The following PLXND1 variants were observed in gnomAD, a reference collection of about 807,000 sequenced individuals.
PLXND1 encodes the protein plexin-D1.
PLXND1 carries 54 observed loss-of-function variants against 197.7 expected under a neutral mutation model. The observed-to-expected ratio is 0.27, with a 90% CI of 0.22 to 0.34. PLXND1 has a LOEUF of 0.34. Ranked by LOEUF, PLXND1 falls within the 10% of genes least tolerant of loss-of-function variation. PLXND1 has a pLI of 1.00. For missense variants in PLXND1, 2,127 were observed against 2,699.2 expected, an observed-to-expected ratio of 0.79 and a Z score of 4.70; for synonymous variants, 1,180 against 1,161.2, an observed-to-expected ratio of 1.02 and a Z score of -0.33.
In PLXND1 at chr3:129,575,836, C is replaced by T. The variant is rs1278828227; in HGVS notation, c.2366G>A (p.Ser789Asn). 6.2e-7 allele frequency: 1 copy of T among 1,612,498 alleles called. No individual in the cohort carries two copies. Among genetic ancestry groups the T allele is most frequent in the Non-Finnish European group, 8.5e-7 (1 of 1,178,842 alleles). Reference sequence around the variant, plus strand: ...CTCGAAGATCTCCTCCAGCCCAAAACTACACTCCAGGGCTGCACCCTGTGG... The same window carrying T: ...CTCGAAGATCTCCTCCAGCCCAAAATTACACTCCAGGGCTGCACCCTGTGG... ...AFFQGAALEC[S>N]FGLEEIFEAV... The change falls in exon 10 of 36, where the codon AGT becomes AAT. Residue 789 changes from serine (S) to asparagine (N), a missense_variant. Around this residue, in one of 6 missense-constraint regions of PLXND1, gnomAD observed 1,095 missense variants for 1,259.8 expected, o/e 0.87. Coordinates refer to ENST00000324093, the MANE Select transcript of PLXND1 (RefSeq NM_015103.3).
intron 8 of PLXND1, among the ~76,000 whole-genome samples, chr3:129,578,731 G>A (rs946793125): frequency 1.3e-5 from 2 of 152,166 alleles, no homozygotes; most frequent in Non-Finnish European, 2.9e-5. Flanking sequence ...CCTCAGACGA[G>A]GCTGGGAGGC....
intron 34 of PLXND1, 143 bp downstream of exon 34, chr3:129,556,940 C>T: frequency 2.2e-6 from 2 of 905,456 alleles, no homozygotes; most frequent in Non-Finnish European, 3.3e-6. Context: ...GACGAATTTG[C>T]AGGCCAGCAA....
chr3:129,556,341 T>C lies in PLXND1; in HGVS notation c.5749A>G (p.Asn1917Asp), dbSNP rs1214374615. 3.1e-6 allele frequency: 5 copies of C among 1,613,542 alleles called. No homozygotes were observed. In the African/African-American group the frequency reaches 6.7e-5, roughly 22 times the overall value. ...FEQVVALMED[N>D]IYECYSEA ...GCCTCACTGTAGCACTCGTAGATGT[T>C]GTCCTCCATCAAAGCCACCACCTGC... is the stretch of plus-strand genomic sequence containing the variant. Residue 1917 changes from asparagine (N) to aspartate (D), a missense_variant, in exon 36 of 36, where the codon AAC (asparagine) becomes GAC (aspartate). Coordinates refer to ENST00000324093, the MANE Select transcript of PLXND1 (RefSeq NM_015103.3).
At position 129,584,392 on chromosome 3, in the gene PLXND1, G is replaced by C; in HGVS notation, c.2022C>G (p.Pro674=). Residue 674 remains proline, a synonymous_variant, in exon 6 of 36, where the codon CCC becomes CCG. Transcript: ENST00000324093. ...ACAGCACAGCGTGCTTACCCTGGTT[G>C]GGGGGGAAGGGCGGAAACTGGTCCC... is the stretch of plus-strand genomic sequence containing the variant. The part of the protein sequence containing the change: ...LPRDQFPPFP[P]NQDHVTVEMS... 1.2e-6 allele frequency: 2 copies of C among 1,611,456 alleles called. No homozygotes were observed. Among genetic ancestry groups the C allele is most frequent in the South Asian group, 1.1e-5 (1 of 90,664 alleles).
chr3:129,559,288 G>A, intron 32 of PLXND1: 1 of 236,470 alleles, frequency 4.2e-6, no homozygotes, highest in Non-Finnish European at 8.1e-6. Context: ...AGCAGGTGCT[G>A]CTTCTCCGAG....
chr3:129,592,896 G>C (rs879924581), intron 1 of PLXND1, among the ~76,000 whole-genome samples: 2 of 152,100 alleles, frequency 1.3e-5, no homozygotes, highest in Non-Finnish European at 2.9e-5. Flanking sequence ...ATGCAGGCTG[G>C]GGGAGGGGGA....
rs186654779 is a variant in PLXND1 at position 129,572,065 on chromosome 3, T to C, written c.3078-221A>G. Among the ~76,000 whole-genome samples the C allele has an allele frequency of 1.9e-3, 286 of 151,958 alleles. 4 individuals carry two copies. The highest frequency in any genetic ancestry group is 6.6e-3 in the African/African-American group (275 of 41,520). On this transcript the variant is annotated intron_variant, in intron 15 of 35. Coordinates refer to ENST00000324093, the MANE Select transcript of PLXND1 (RefSeq NM_015103.3). ...CTCCAGGAAGCCTTCCCAGGTCTTC[T>C]CTCCCGCCTCCAACCCTGGTGAAGT...
chr3:129,568,555 T>C (rs2085176521), intron 20 of PLXND1, among the ~76,000 whole-genome samples: 1 of 152,182 alleles, frequency 6.6e-6, no homozygotes, highest in African/African-American at 2.4e-5. Context: ...TTCTTTTCTT[T>C]CTTTTTTTCT....
In PLXND1 at chr3:129,606,417, C is replaced by A; in HGVS notation, c.223G>T (p.Ala75Ser). ...DGAAGTVYLA[A>S]VNRLYQLSGA... Reference sequence around the variant, plus strand: ...GACAGCTGATAGAGGCGGTTGACGGCCGCCAGGTACACGGTCCCCGCCGCG... The same window carrying A: ...GACAGCTGATAGAGGCGGTTGACGGACGCCAGGTACACGGTCCCCGCCGCG... The change falls in exon 1 of 36, where the codon GCC becomes TCC. Residue 75 changes from alanine to serine, a missense_variant. By Grantham distance (99) the Ala-to-Ser change is moderately conservative. Transcript: ENST00000324093. The A allele has an allele frequency of 6.8e-7, 1 of 1,472,092 alleles. No homozygotes were observed. The highest frequency in any genetic ancestry group is 9.0e-7 in the Non-Finnish European group (1 of 1,116,366). 91.2% of individuals were successfully genotyped at this position (1,472,092 alleles called of 1,614,324 possible). A position where few individuals can be genotyped will look rare whatever the true frequency, so the allele number is the denominator to read the frequency against.
At position 129,557,086 on chromosome 3, in the gene PLXND1, C is replaced by T. The variant is rs1221170246; in HGVS notation, c.5583G>A (p.Ser1861=). The T allele has an allele frequency of 1.2e-5, 19 of 1,613,728 alleles. No individual in the cohort carries two copies. The highest frequency in any genetic ancestry group is 2.2e-5 in the South Asian group (2 of 91,080). ...QEMNAHLAEE[S]RKYQNEFNTN... The stretch of plus-strand genomic sequence containing the variant: ...CCCCGCCGCCGAGCCACCGCACCCT[C>T]GACTCCTCGGCCAGATGGGCATTCA... Residue 1861 remains serine, a synonymous_variant, in exon 34 of 36, where the codon TCG becomes TCA. Transcript: ENST00000324093. The surrounding 1 kb of genome is among the most constrained non-coding windows in gnomAD (Gnocchi z 4.8).
intron 2 of PLXND1, among the ~76,000 whole-genome samples, chr3:129,587,189 G>T (rs12486632): frequency 0.011 from 1,612 of 152,340 alleles, 11 homozygotes; most frequent in Non-Finnish European, 0.014. Context: ...CAGGCCCGGG[G>T]AAGCTGCTAG....
At chr3:129,597,473 C>T (rs923456196) in intron 1 of PLXND1, among the ~76,000 whole-genome samples, 1 of 151,804 alleles carries the variant, frequency 6.6e-6, no homozygotes, top group African/African-American at 2.4e-5. Flanking sequence ...TCCAAGGCCT[C>T]TGCCTGCGGG....
Position 129,605,621 on chromosome 3 carries a change from T to C in PLXND1, c.1019A>G (p.Gln340Arg). 1 of 1,536,530 alleles carries C rather than the reference T, an allele frequency of 6.5e-7. No homozygotes were observed. Among genetic ancestry groups the C allele is most frequent in the Non-Finnish European group, 8.7e-7 (1 of 1,145,228 alleles). Reference sequence around the variant, plus strand: ...GCCGCCCGCGCACTGCAAGCCCAACTGGATGTAGGACTCGGTGAGCTTCTT... The same window carrying C: ...GCCGCCCGCGCACTGCAAGCCCAACCGGATGTAGGACTCGGTGAGCTTCTT... ...DAKKLTESYI[Q>R]LGLQCAGGAG... The change falls in exon 1 of 36, where the codon CAG becomes CGG. Residue 340 changes from glutamine (Q) to arginine (R), a missense_variant. Transcript: ENST00000324093.
At chr3:129,566,386 G>A in intron 23 of PLXND1, 141 bp downstream of exon 23, 1 of 656,540 alleles carries the variant, frequency 1.5e-6, no homozygotes, top group South Asian at 1.7e-5. Context: ...CTGGGATGGA[G>A]GGCTCAGTAC....
Position 129,555,413 on chromosome 3 carries a change from G to C in PLXND1, c.*899C>G. 1 of 646,154 alleles carries C rather than the reference G, an allele frequency of 1.5e-6. No individual in the cohort carries two copies. Among genetic ancestry groups the C allele is most frequent in the Non-Finnish European group, 2.7e-6 (1 of 366,796 alleles). The allele number at this position is 646,154 out of a possible 1,614,324, so 40.0% of individuals were successfully genotyped here. ...CTCAGGCGCCAGGGGCGCTCTGCCA[G>C]GTCTGCCCGCTCTCTGGAACAGTCA... On this transcript the variant is annotated 3_prime_UTR_variant, in exon 36 of 36. Coordinates refer to ENST00000324093, the MANE Select transcript of PLXND1 (RefSeq NM_015103.3).
At chr3:129,565,588 T>TG in intron 24 of PLXND1, 50 bp from the exon 25 acceptor site, 2 of 1,506,526 alleles carry the variant, frequency 1.3e-6, no homozygotes, top group Non-Finnish European at 1.8e-6. Context: ...CTAGGAGCTG[T>TG]GGGTCCCAGG....
At position 129,557,354 on chromosome 3, in the gene PLXND1, A is replaced by G; in HGVS notation, c.5446-131T>C. 1.0e-6 allele frequency: 1 copy of G among 988,156 alleles called. No individual in the cohort carries two copies. Among genetic ancestry groups the G allele is most frequent in the East Asian group, 2.6e-5 (1 of 38,584 alleles). 61.2% of individuals were successfully genotyped at this position (988,156 alleles called of 1,614,324 possible). On this transcript the variant is annotated intron_variant, in intron 33 of 35. Transcript: ENST00000324093. This position sits in a 1 kb window ranked among gnomAD's most constrained non-coding sequence, Gnocchi z 4.8. ...AGGCCCCCGAGGCCCAAAGAGTCTCACCCGGTCACTGAACGTCCCCGCACT... is the reference window on the plus strand; with the variant it reads ...AGGCCCCCGAGGCCCAAAGAGTCTCGCCCGGTCACTGAACGTCCCCGCACT...
chr3:129,573,764 GA>G lies in PLXND1; in HGVS notation c.2686-20del, dbSNP rs2085271490. On this transcript the variant is annotated intron_variant, in intron 12 of 35. Transcript: ENST00000324093. ...GCTCAATCTGCCAGGTGACCCGAGAGAGGGGCGAATGGGATCTGAGGCTGCA... is the reference window on the plus strand; with the variant it reads ...GCTCAATCTGCCAGGTGACCCGAGAGGGGGCGAATGGGATCTGAGGCTGCA... The G allele has an allele frequency of 6.2e-7, 1 of 1,610,620 alleles. No individual in the cohort carries two copies. The highest frequency in any genetic ancestry group is 8.5e-7 in the Non-Finnish European group (1 of 1,179,032).
chr3:129,565,730 C>T (rs1036780794), intron 24 of PLXND1, among the ~76,000 whole-genome samples, 157 bp downstream of exon 24: 7 of 152,160 alleles, frequency 4.6e-5, no homozygotes, highest in South Asian at 2.1e-4. Context: ...CAGCAACCAT[C>T]GTGCCCCGTG....
Sources: gnomAD v4.1 joint callset for allele counts (sites outside exome capture counted in the v4.1 genomes callset) on GRCh38, gnomAD v4.1.1 for gene constraint, gnomAD v4.1.1 regional missense constraint, Gnocchi (gnomAD v3.1) non-coding constraint, MANE v1.5 for transcripts, NCBI Gene and HGNC (gene_info 2026-07-23, HGNC 2026-07-21) for gene names.